The following CTIF variants were observed in gnomAD, a reference collection of about 807,000 sequenced individuals.
CTIF encodes the protein cap binding complex dependent translation initiation factor.
CTIF carries 21 observed loss-of-function variants against 66.0 expected under a neutral mutation model. The observed-to-expected ratio is 0.32, with a 90% CI of 0.23 to 0.46. The LOEUF (loss-of-function observed/expected upper bound fraction) is 0.46. CTIF is among the 20% of genes least tolerant of loss of function. The probability of loss-of-function intolerance (pLI) is 1.00; values close to 1 mark genes in which losing one functional copy is unlikely to be tolerated. For missense variants in CTIF, 739 were observed against 812.7 expected, an observed-to-expected ratio of 0.91 and a Z score of 1.10; for synonymous variants, 345 against 326.4, an observed-to-expected ratio of 1.06 and a Z score of -0.62.
chr18:48,797,495 G>C (rs62103272), intron 9 of CTIF, among the ~76,000 whole-genome samples: 1 of 148,046 alleles, frequency 6.8e-6, no homozygotes, highest in African/African-American at 2.5e-5. Flanking sequence ...AAAGAAAAGG[G>C]GTGGGGGGGC....
chr18:48,808,703 C>T (rs976078951), intron 9 of CTIF, among the ~76,000 whole-genome samples: 1 of 152,106 alleles, frequency 6.6e-6, no homozygotes, highest in African/African-American at 2.4e-5. Context: ...TGTGATAAAC[C>T]TTTGTGGATG....
intron 7 of CTIF, among the ~76,000 whole-genome samples, chr18:48,731,376 A>G (rs972781342): frequency 1.3e-5 from 2 of 152,118 alleles, no homozygotes; most frequent in African/African-American, 4.8e-5. Flanking sequence ...TGGAATAGGG[A>G]GAGATGCCTG....
chr18:48,770,243 T>C (rs1909971526), intron 9 of CTIF, among the ~76,000 whole-genome samples: 1 of 152,242 alleles, frequency 6.6e-6, no homozygotes, highest in African/African-American at 2.4e-5. Flanking sequence ...TGCCAACTAC[T>C]GCCCCAGGCC....
At chr18:48,708,431 G>T (rs931001783) in intron 6 of CTIF, among the ~76,000 whole-genome samples, 3 of 152,222 alleles carry the variant, frequency 2.0e-5, no homozygotes, top group African/African-American at 4.8e-5. Context: ...ATTTTGAGGG[G>T]TTCTCAATGG....
At chr18:48,586,875 C>G (rs1394238710) in intron 1 of CTIF, among the ~76,000 whole-genome samples, 1 of 152,120 alleles carries the variant, frequency 6.6e-6, no homozygotes, top group East Asian at 1.9e-4. Context: ...TACACAGTGT[C>G]TTTGGGAACA....
chr18:48,700,935 G>A (rs2092076687), intron 6 of CTIF, among the ~76,000 whole-genome samples: 1 of 152,232 alleles, frequency 6.6e-6, no homozygotes, highest in Non-Finnish European at 1.5e-5. Context: ...GTTGGTTGAT[G>A]CTTCAGTTCT....
At chr18:48,850,887 A>C (rs561174030) in intron 10 of CTIF, among the ~76,000 whole-genome samples, 73 of 152,364 alleles carry the variant, frequency 4.8e-4, no homozygotes, top group Middle Eastern at 3.4e-3. Flanking sequence ...TGGGGAGGAC[A>C]GGACATGGTC....
At chr18:48,774,024 G>A (rs1372202772) in intron 9 of CTIF, among the ~76,000 whole-genome samples, 2 of 152,126 alleles carry the variant, frequency 1.3e-5, no homozygotes, top group Non-Finnish European at 2.9e-5. Context: ...GCCCCCTTAC[G>A]GAGACAGAGG....
intron 8 of CTIF, among the ~76,000 whole-genome samples, chr18:48,758,813 C>A (rs1427707567): frequency 6.6e-6 from 1 of 152,146 alleles, no homozygotes; most frequent in African/African-American, 2.4e-5. Context: ...AGAACTGAAG[C>A]TTTTCTACAG....
At chr18:48,821,027 C>G (rs2068473021) in intron 10 of CTIF, among the ~76,000 whole-genome samples, 1 of 152,226 alleles carries the variant, frequency 6.6e-6, no homozygotes, top group African/African-American at 2.4e-5. Flanking sequence ...TCCTTTCACA[C>G]CCTGACCTCA....
chr18:48,745,883 T>C (rs1333988353), intron 7 of CTIF, among the ~76,000 whole-genome samples: 1 of 152,208 alleles, frequency 6.6e-6, no homozygotes. Context: ...CCCCATCAGT[T>C]CCACCAGCCC....
At position 48,756,663 on chromosome 18, in the gene CTIF, T is replaced by G. The variant is rs1024930013; in HGVS notation, c.585-1256T>G. 2.0e-5 allele frequency among the ~76,000 whole-genome samples: 3 copies of G among 152,214 alleles called. No homozygotes were observed. The South Asian group carries it at 6.2e-4, about 32-fold the overall frequency. ...CTGCACTTCCAGTAAAGTTGTGGCA[T>G]GGAAAACACCCTGAGGGTAAAATGG... On this transcript the variant is annotated intron_variant, in intron 7 of 11. Transcript: ENST00000256413.
At chr18:48,772,532 T>TACAG (rs1335349127) in intron 9 of CTIF, among the ~76,000 whole-genome samples, 15 of 151,782 alleles carry the variant, frequency 9.9e-5, no homozygotes, top group Non-Finnish European at 1.8e-4. Context: ...ATGCCTCCCC[T>TACAG]CCATCTTCCA....
chr18:48,726,188 T>C (rs2092385814), intron 7 of CTIF, among the ~76,000 whole-genome samples: 1 of 152,208 alleles, frequency 6.6e-6, no homozygotes, highest in Non-Finnish European at 1.5e-5. Flanking sequence ...TCGGTTTATG[T>C]TTATAGTTGT....
intron 1 of CTIF, among the ~76,000 whole-genome samples, chr18:48,594,897 G>T (rs904859112): frequency 1.3e-5 from 2 of 152,222 alleles, no homozygotes. Context: ...CAGGCTGAGA[G>T]AGCTGAGGCC....
chr18:48,838,402 G>A lies in CTIF; in HGVS notation c.1528-19186G>A, dbSNP rs1402931564. Among the ~76,000 whole-genome samples, 4 of 152,232 alleles carry A rather than the reference G, an allele frequency of 2.6e-5. No individual in the cohort carries two copies. The East Asian group carries it at 7.7e-4, about 29-fold the overall frequency. On this transcript the variant is annotated intron_variant, in intron 10 of 11. Coordinates refer to ENST00000256413, the MANE Select transcript of CTIF (RefSeq NM_014772.3). ...TGCCCACGCCTCACGTGAGCCTCTC[G>A]GTGCAGTGGCCGCCTGGAAGATGTC...
At chr18:48,658,495 CATGT>C (rs1281547749) in intron 3 of CTIF, among the ~76,000 whole-genome samples, 2 of 151,530 alleles carry the variant, frequency 1.3e-5, no homozygotes, top group Non-Finnish European at 2.9e-5. Flanking sequence ...TATATATATG[CATGT>C]ATGTGTGTAG....
At chr18:48,659,583 C>T (rs1348602105) in intron 3 of CTIF, among the ~76,000 whole-genome samples, 2 of 152,230 alleles carry the variant, frequency 1.3e-5, no homozygotes, top group Non-Finnish European at 2.9e-5. Flanking sequence ...CACTTTTGTT[C>T]CTCAGCTCTG....
At chr18:48,765,269 G>A (rs1451935915) in intron 9 of CTIF, among the ~76,000 whole-genome samples, 1 of 152,144 alleles carries the variant, frequency 6.6e-6, no homozygotes, top group Non-Finnish European at 1.5e-5. Context: ...CCTCCCTGAG[G>A]TTTGCACTCA....
Sources: allele counts gnomAD v4.1 joint callset (sites outside exome capture counted in the v4.1 genomes callset), GRCh38; gene constraint gnomAD v4.1.1; transcripts MANE v1.5; gene names NCBI Gene and HGNC (gene_info 2026-07-23, HGNC 2026-07-21).